Variants in SAR1B observed in about 807,000 individuals in gnomAD.
The protein encoded by SAR1B is secretion associated Ras related GTPase 1B.
A neutral mutation model predicts 26.8 loss-of-function variants in SAR1B; 23 were observed. The ratio of observed to expected loss-of-function variants is 0.86; its 90% confidence interval spans 0.62 to 1.22. The LOEUF is 1.22. Ranked by LOEUF, SAR1B falls within the 50% of genes most tolerant of loss-of-function variation. SAR1B has a pLI of 0.00. For synonymous variants in SAR1B, 65 were observed against 80.8 expected, an observed-to-expected ratio of 0.80 and a Z score of 1.05; for missense variants, 196 against 232.8, an observed-to-expected ratio of 0.84 and a Z score of 1.03.
In SAR1B at chr5:134,609,673, AG is replaced by A; in HGVS notation, c.245del (p.Ala82ValfsTer28). Reference sequence around the variant, plus strand: ...GAAGGTAGTTTTTCCACACTCTTCGAGCTAACAAAAACAATCAGGGGTTAGA... The same window carrying A: ...GAAGGTAGTTTTTCCACACTCTTCGACTAACAAAAACAATCAGGGGTTAGA... ...TTFDLGGHVQ[A>X]RRVWKNYLPA... On this transcript the variant is annotated frameshift_variant and splice_region_variant, in exon 5 of 7. Transcript: ENST00000402673. LOFTEE classifies it high-confidence loss of function. 1 of 1,613,528 alleles carries A rather than the reference AG, an allele frequency of 6.2e-7. No individual in the cohort carries two copies. Among genetic ancestry groups the A allele is most frequent in the Non-Finnish European group, 8.5e-7 (1 of 1,179,476 alleles).
chr5:134,619,962 C>G (rs571321354), intron 3 of SAR1B, among the ~76,000 whole-genome samples: 1 of 152,012 alleles, frequency 6.6e-6, no homozygotes, highest in African/African-American at 2.4e-5. Flanking sequence ...ACCTACATGA[C>G]AGAGCAAGAC....
intron 1 of SAR1B, among the ~76,000 whole-genome samples, chr5:134,625,195 G>A (rs573473415): frequency 6.6e-6 from 1 of 152,260 alleles, no homozygotes; most frequent in African/African-American, 2.4e-5. Flanking sequence ...CATTACAATA[G>A]CTACTATGGG....
At chr5:134,622,179 C>T (rs1765420727) in intron 2 of SAR1B, among the ~76,000 whole-genome samples, 1 of 152,124 alleles carries the variant, frequency 6.6e-6, no homozygotes. Flanking sequence ...AACACTTACT[C>T]CTTTGTCCAT....
intron 2 of SAR1B, among the ~76,000 whole-genome samples, chr5:134,622,403 C>A (rs954444151): frequency 6.6e-6 from 1 of 151,442 alleles, no homozygotes; most frequent in Non-Finnish European, 1.5e-5. Context: ...ATTACAAAGC[C>A]CATATTCTTT....
intron 2 of SAR1B, 65 bp from the exon 3 acceptor site, chr5:134,621,117 A>G (rs1344432445): frequency 5.2e-6 from 8 of 1,548,948 alleles, no homozygotes; most frequent in Non-Finnish European, 7.1e-6. Context: ...ATGAATTTAA[A>G]TTTGGCCCAA....
At position 134,601,261 on chromosome 5, in the gene SAR1B, G is replaced by A. The variant is rs1316870452; in HGVS notation, c.*5689C>T. The A allele has an allele frequency of 6.6e-6, 1 of 151,992 alleles. No homozygotes were observed. The highest frequency in any genetic ancestry group is 1.5e-5 in the Non-Finnish European group (1 of 67,990). 9.4% of individuals were successfully genotyped at this position (151,992 alleles called of 1,614,324 possible). A position where few individuals can be genotyped will look rare whatever the true frequency, so the allele number is the denominator to read the frequency against. Reference sequence around the variant, plus strand: ...TAACATATAAACACAATTCAAAAACGTTTAACCATCTATTATAGCTCTTTG... The same window carrying A: ...TAACATATAAACACAATTCAAAAACATTTAACCATCTATTATAGCTCTTTG... On this transcript the variant is annotated 3_prime_UTR_variant, in exon 7 of 7. Coordinates refer to ENST00000402673, the MANE Select transcript of SAR1B (RefSeq NM_016103.4).
intron 2 of SAR1B, among the ~76,000 whole-genome samples, chr5:134,621,694 T>A (rs1765411312): frequency 6.6e-6 from 1 of 152,166 alleles, no homozygotes; most frequent in African/African-American, 2.4e-5. Flanking sequence ...TTGACCAATT[T>A]ATAATAGACT....
intron 1 of SAR1B, among the ~76,000 whole-genome samples, chr5:134,631,144 T>A (rs1765599111): frequency 6.6e-6 from 1 of 152,004 alleles, no homozygotes; most frequent in Non-Finnish European, 1.5e-5. Flanking sequence ...TAGACTCATC[T>A]TTTTTCTTAA....
At chr5:134,621,191 C>G in intron 2 of SAR1B, 139 bp from the exon 3 acceptor site, 1 of 947,042 alleles carries the variant, frequency 1.1e-6, no homozygotes, top group Non-Finnish European at 1.6e-6. Flanking sequence ...TATTCATGGC[C>G]GGGCACGGTG....
chr5:134,630,118 C>A (rs1023627854), intron 1 of SAR1B, among the ~76,000 whole-genome samples: 1 of 151,264 alleles, frequency 6.6e-6, no homozygotes, highest in African/African-American at 2.4e-5. Context: ...TTAAAGTGAG[C>A]GAGCGTAGAA....
chr5:134,630,183 A>C (rs2150057510), intron 1 of SAR1B, among the ~76,000 whole-genome samples: 1 of 151,804 alleles, frequency 6.6e-6, no homozygotes, highest in East Asian at 1.9e-4. Flanking sequence ...AGGCTGGGGG[A>C]GGTGGCTCAC....
chr5:134,611,163 C>T (rs537341492), intron 4 of SAR1B, among the ~76,000 whole-genome samples: 76 of 152,264 alleles, frequency 5.0e-4, no homozygotes, highest in African/African-American at 1.7e-3. Context: ...CACACCCAGC[C>T]ATTATGACAT....
chr5:134,624,264 C>T (rs1765460469), intron 1 of SAR1B, among the ~76,000 whole-genome samples: 1 of 152,020 alleles, frequency 6.6e-6, no homozygotes, highest in African/African-American at 2.4e-5. Context: ...CAGAAATTAA[C>T]CGGGTGTGGT....
intron 4 of SAR1B, among the ~76,000 whole-genome samples, chr5:134,610,505 G>C (rs1580647064): frequency 6.7e-6 from 1 of 148,668 alleles, no homozygotes; most frequent in Non-Finnish European, 1.5e-5. Context: ...AGGTGGAGGT[G>C]GCAGTGAGCC....
intron 3 of SAR1B, among the ~76,000 whole-genome samples, chr5:134,616,954 G>A (rs1257851118): frequency 6.6e-6 from 1 of 152,174 alleles, no homozygotes; most frequent in Admixed American, 6.6e-5. Context: ...AGTATAGGCT[G>A]GGTATGGTGG....
chr5:134,612,839 A>G lies in SAR1B; in HGVS notation c.179-83T>C, dbSNP rs570244669. 7.2e-6 allele frequency: 9 copies of G among 1,256,336 alleles called. No individual in the cohort carries two copies. The Admixed American group carries it at 1.7e-4, about 23-fold the overall frequency. 77.8% of individuals were successfully genotyped at this position (1,256,336 alleles called of 1,614,324 possible). A position where few individuals can be genotyped will look rare whatever the true frequency, so the allele number is the denominator to read the frequency against. ...AAAGTAAAGTAGAGGTTCCTTTTCA[A>G]AGACTTTCCTCCCCATCTAATTAAG... On this transcript the variant is annotated intron_variant, in intron 3 of 6. Coordinates refer to ENST00000402673, the MANE Select transcript of SAR1B (RefSeq NM_016103.4).
intron 1 of SAR1B, among the ~76,000 whole-genome samples, chr5:134,629,888 AAAAAAAAAAAAG>A (rs1765569601): frequency 6.6e-6 from 1 of 150,560 alleles, no homozygotes. Flanking sequence ...TCTGTCTCAA[AAAAAAAAAAAAG>A]AAAAAAAAGA....
At chr5:134,626,683 C>T (rs1765499586) in intron 1 of SAR1B, among the ~76,000 whole-genome samples, 1 of 152,180 alleles carries the variant, frequency 6.6e-6, no homozygotes, top group African/African-American at 2.4e-5. Context: ...TTACAAGTAA[C>T]TTCTTAAAGC....
At position 134,623,989 on chromosome 5, in the gene SAR1B, C is replaced by A. The variant is rs1264665937; in HGVS notation, c.31G>T (p.Gly11Cys). 6.2e-7 allele frequency: 1 copy of A among 1,611,716 alleles called. No individual in the cohort carries two copies. Among genetic ancestry groups the A allele is most frequent in the Non-Finnish European group, 8.5e-7 (1 of 1,177,968 alleles). The part of the protein sequence containing the change: MSFIFDWIYS[G>C]FSSVLQFLGL... ...AAAAACTGTAGCACACTGCTGAAAC[C>A]ACTGTAAATCCAATCAAATATGAAG... is the stretch of plus-strand genomic sequence containing the variant. Residue 11 changes from glycine to cysteine, a missense_variant, in exon 2 of 7, where the codon GGT becomes TGT. Transcript: ENST00000402673.
Sources: gnomAD v4.1 joint callset for allele counts (sites outside exome capture counted in the v4.1 genomes callset) on GRCh38, gnomAD v4.1.1 for gene constraint, MANE v1.5 for transcripts, NCBI Gene and HGNC (gene_info 2026-07-23, HGNC 2026-07-21) for gene names.